The following AUNIP variants were observed in gnomAD, a reference collection of about 807,000 sequenced individuals.
AUNIP encodes the protein aurora kinase A- and ninein-interacting protein.
A neutral mutation model predicts 12.2 loss-of-function variants in AUNIP; 16 were observed. That is an observed-to-expected ratio of 1.31 (90% CI 0.88 to 1.99). The LOEUF (loss-of-function observed/expected upper bound fraction) is 1.99, where lower values mean the gene tolerates loss of function less well. AUNIP is among the 30% of genes most tolerant of loss of function. AUNIP has a pLI of 0.00. For missense variants in AUNIP, 411 were observed against 419.1 expected (o/e 0.98, Z 0.17); for synonymous variants, 142 against 154.8 (o/e 0.92, Z 0.61).
At chr1:25,832,082 C>T, downstream of AUNIP, 2 of 1,613,098 alleles carry the variant, frequency 1.2e-6, no homozygotes, top group Non-Finnish European at 1.7e-6. Flanking sequence ...TCAATAGCTG[C>T]CTTCCTCACC....
downstream of AUNIP, among the ~76,000 whole-genome samples, chr1:25,833,184 G>GCTA (rs564573939): frequency 5.4e-3 from 822 of 152,056 alleles, 6 homozygotes; most frequent in Non-Finnish European, 8.5e-3. Flanking sequence ...GGGATCATTA[G>GCTA]CTAACTGCAG....
chr1:25,844,658 T>A (rs2048370336), intron 1 of AUNIP, among the ~76,000 whole-genome samples: 1 of 152,176 alleles, frequency 6.6e-6, no homozygotes, highest in African/African-American at 2.4e-5. Flanking sequence ...TTGATGTAAC[T>A]TCCTTTTTTC....
rs748719661 is a variant in AUNIP at position 25,835,369 on chromosome 1, C to A, written c.698G>T (p.Arg233Ile). ...CCTGTTTTCTTTGGCAGACACCTTT[C>A]TTTCCAATTTAGTCTTGCCTAAGGG... Reference protein sequence around the residue: ...CQPLGKTKLERKVSAKENRQA... With the variant: ...CQPLGKTKLEIKVSAKENRQA... The change falls in exon 3 of 3, where the codon AGA becomes ATA. Residue 233 changes from arginine (R) to isoleucine (I), a missense_variant. Transcript: ENST00000374298. 2 of 1,614,122 alleles carry A rather than the reference C, an allele frequency of 1.2e-6. No individual in the cohort carries two copies. Among genetic ancestry groups the A allele is most frequent in the Non-Finnish European group, 1.7e-6 (2 of 1,180,040 alleles).
intron 1 of AUNIP, among the ~76,000 whole-genome samples, chr1:25,851,149 T>C (rs2048421599): frequency 6.6e-6 from 1 of 152,218 alleles, no homozygotes; most frequent in South Asian, 2.1e-4. Context: ...TTTTTGTCTT[T>C]TATGCTATTA....
At chr1:25,856,398 A>G (rs1400224442) in intron 1 of AUNIP, among the ~76,000 whole-genome samples, 1 of 151,506 alleles carries the variant, frequency 6.6e-6, no homozygotes, top group Non-Finnish European at 1.5e-5. Context: ...ATAAAACAAG[A>G]TTAGGCTGGG....
At chr1:25,852,040 C>A (rs1408001595) in intron 1 of AUNIP, among the ~76,000 whole-genome samples, 3 of 151,474 alleles carry the variant, frequency 2.0e-5, no homozygotes, top group African/African-American at 7.3e-5. Context: ...GCAGCCTCAA[C>A]CTCCCTGGGT....
chr1:25,853,463 G>C lies in AUNIP; in HGVS notation c.78+5817C>G, dbSNP rs577804426. On this transcript the variant is annotated intron_variant, in intron 1 of 2. Coordinates refer to ENST00000374298, the MANE Select transcript of AUNIP (RefSeq NM_024037.3). Reference sequence around the variant, plus strand: ...AATACCAAAATTAGCCAGGTGTGGTGGTGGGCGCCTGTAATTCCAGCTACT... The same window carrying C: ...AATACCAAAATTAGCCAGGTGTGGTCGTGGGCGCCTGTAATTCCAGCTACT... Among the ~76,000 whole-genome samples, 4 of 152,154 alleles carry C rather than the reference G, an allele frequency of 2.6e-5. No homozygotes were observed. In the East Asian group the frequency reaches 5.8e-4, roughly 22 times the overall value.
Position 25,835,764 on chromosome 1 carries a change from G to T in AUNIP, c.303C>A (p.Thr101=). The stretch of plus-strand genomic sequence containing the variant: ...AGCCTGGGATCAAATGGTCTAGCTG[G>T]GTCGCATTTTTCTTGGACTCTTTGT... ...QINKESKKNA[T]QLDHLIPGLA... is the part of the protein sequence containing the mutation. The change falls in exon 3 of 3, where the codon ACC becomes ACA. Residue 101 remains threonine, a synonymous_variant. Coordinates refer to ENST00000374298, the MANE Select transcript of AUNIP (RefSeq NM_024037.3). The T allele has an allele frequency of 6.2e-7, 1 of 1,614,124 alleles. No homozygotes were observed. Among genetic ancestry groups the T allele is most frequent in the Non-Finnish European group, 8.5e-7 (1 of 1,180,014 alleles).
In AUNIP at chr1:25,834,934, C is replaced by T. The variant is rs1036142382; in HGVS notation, c.*59G>A. 25 of 1,547,726 alleles carry T rather than the reference C, an allele frequency of 1.6e-5. No homozygotes were observed. The Middle Eastern group carries it at 1.0e-3, about 64-fold the overall frequency. On this transcript the variant is annotated 3_prime_UTR_variant, in exon 3 of 3. Coordinates refer to ENST00000374298, the MANE Select transcript of AUNIP (RefSeq NM_024037.3). Reference sequence around the variant, plus strand: ...AACTCACTCCTCTCTCCACCCACAACTATATTTTCCTACATCTCTATCATT... The same window carrying T: ...AACTCACTCCTCTCTCCACCCACAATTATATTTTCCTACATCTCTATCATT...
In AUNIP at chr1:25,847,318, G is replaced by C. The variant is rs560356345; in HGVS notation, c.79-9764C>G. On this transcript the variant is annotated intron_variant, in intron 1 of 2. Coordinates refer to ENST00000374298, the MANE Select transcript of AUNIP (RefSeq NM_024037.3). The surrounding 1 kb of genome is among the most constrained non-coding windows in gnomAD (Gnocchi z 4.2). ...ACTCTGTCACCGAGGCTGGACTGCA[G>C]TAGCGCGATATTGGCTCACCACAAC... Among the ~76,000 whole-genome samples the C allele has an allele frequency of 6.2e-4, 94 of 152,218 alleles. No individual in the cohort carries two copies. In the South Asian group the frequency reaches 0.019, roughly 31 times the overall value.
At position 25,859,426 on chromosome 1, in the gene AUNIP, C is replaced by T; in HGVS notation, c.-69G>A. ...CCGGCGCCTCAGGGAACGCCAGAAC[C>T]GCGGCCGCCGACGTTCGGATCTCGC... On this transcript the variant is annotated 5_prime_UTR_variant, in exon 1 of 3. Transcript: ENST00000374298. 1 of 1,370,996 alleles carries T rather than the reference C, an allele frequency of 7.3e-7. No individual in the cohort carries two copies. The highest frequency in any genetic ancestry group is 9.5e-7 in the Non-Finnish European group (1 of 1,051,870). The allele number at this position is 1,370,996 out of a possible 1,614,324, so 84.9% of individuals were successfully genotyped here.
intron 2 of AUNIP, among the ~76,000 whole-genome samples, chr1:25,836,709 A>C (rs1166570431): frequency 6.6e-6 from 1 of 152,254 alleles, no homozygotes; most frequent in Non-Finnish European, 1.5e-5. Context: ...TTGTAAGTGG[A>C]AAAAGTGGGT....
At chr1:25,833,817 G>A (rs2048274994), downstream of AUNIP, among the ~76,000 whole-genome samples, 2 of 151,368 alleles carry the variant, frequency 1.3e-5, no homozygotes, top group Admixed American at 1.3e-4. Flanking sequence ...TTGCAAGTTT[G>A]TCCCTTAGAG....
At chr1:25,858,541 A>G (rs1188007936) in intron 1 of AUNIP, among the ~76,000 whole-genome samples, 1 of 152,244 alleles carries the variant, frequency 6.6e-6, no homozygotes, top group African/African-American at 2.4e-5. Flanking sequence ...TGCTCAATAA[A>G]CATGAATGAT....
At position 25,859,336 on chromosome 1, in the gene AUNIP, C is replaced by A; in HGVS notation, c.22G>T (p.Glu8Ter). 3 of 1,556,856 alleles carry A rather than the reference C, an allele frequency of 1.9e-6. No individual in the cohort carries two copies. The highest frequency in any genetic ancestry group is 2.6e-6 in the Non-Finnish European group (3 of 1,153,664). MRRTGPE[E>*]EACGVWLDAA... ...TCCAGCCACACGCCGCAGGCCTCCT[C>A]CTCGGGGCCTGTCCGCCTCATGGCC... Residue 8 changes from glutamate (E) to a stop codon, truncating the protein, a stop_gained, in exon 1 of 3, where the codon GAG becomes TAG. Transcript: ENST00000374298. LOFTEE classifies it high-confidence loss of function.
rs749382023 is a variant in AUNIP at position 25,835,409 on chromosome 1, C to T, written c.658G>A (p.Asp220Asn). ...TTGCCTAAGGGCTGACAGCATTTGT[C>T]CCCAGGTAGTTTGGTGTGTTTCTCC... The part of the protein sequence containing the change: ...SMEKHTKLPG[D>N]KCCQPLGKTK... Residue 220 changes from aspartate to asparagine, a missense_variant, in exon 3 of 3, where the codon GAC (aspartate) becomes AAC (asparagine). By Grantham distance (23) the Asp-to-Asn change is conservative. Coordinates refer to ENST00000374298, the MANE Select transcript of AUNIP (RefSeq NM_024037.3). 1 of 1,614,234 alleles carries T rather than the reference C, an allele frequency of 6.2e-7. No individual in the cohort carries two copies.
At chr1:25,833,872 GC>G, downstream of AUNIP, 1 of 334,790 alleles carries the variant, frequency 3.0e-6, no homozygotes, top group Non-Finnish European at 4.2e-6. Flanking sequence ...AAGGAATAAT[GC>G]CTTGGGTAGA....
chr1:25,835,938 T>C (rs1327964624), intron 2 of AUNIP, 92 bp from the exon 3 acceptor site: 14 of 1,519,510 alleles, frequency 9.2e-6, no homozygotes, highest in Non-Finnish European at 1.2e-5. Context: ...TATCAGCTAC[T>C]ATTACTACCT....
rs990984231 is a variant in AUNIP at position 25,847,871 on chromosome 1, G to T, written c.79-10317C>A. ...GAGGTGAGAGAATCGATTGAGCCCG[G>T]GAGGCAGAGGTTGCAGTGAGCCAAG... On this transcript the variant is annotated intron_variant, in intron 1 of 2. Coordinates refer to ENST00000374298, the MANE Select transcript of AUNIP (RefSeq NM_024037.3). This position sits in a 1 kb window ranked among gnomAD's most constrained non-coding sequence, Gnocchi z 4.2. Among the ~76,000 whole-genome samples the T allele has an allele frequency of 2.0e-5, 3 of 152,112 alleles. No individual in the cohort carries two copies. The highest frequency in any genetic ancestry group is 7.2e-5 in the African/African-American group (3 of 41,416).
Sources: allele counts gnomAD v4.1 joint callset (sites outside exome capture counted in the v4.1 genomes callset), GRCh38; gene constraint gnomAD v4.1.1; non-coding constraint Gnocchi (gnomAD v3.1); transcripts MANE v1.5; gene names NCBI Gene and HGNC (gene_info 2026-07-23, HGNC 2026-07-21).